The following HPS4 variants were observed in gnomAD, a reference collection of about 807,000 sequenced individuals.
HPS4 encodes HPS4 biogenesis of lysosomal organelles complex 3 subunit 2, also known as BLOC-3 complex member HPS4.
Under a neutral mutation model 70.3 loss-of-function variants are expected in HPS4, and 44 were observed. The observed-to-expected ratio is 0.63, with a 90% CI of 0.49 to 0.80. The LOEUF is 0.80. HPS4 is among the 30% of genes least tolerant of loss of function. HPS4 has a pLI of 0.00. For synonymous variants in HPS4, 377 were observed against 355.9 expected (o/e 1.06, Z -0.67); for missense variants, 873 against 884.4 (o/e 0.99, Z 0.16).
At chr22:26,479,945 CCT>C (rs1368423860) in intron 2 of HPS4, among the ~76,000 whole-genome samples, 1 of 152,166 alleles carries the variant, frequency 6.6e-6, no homozygotes, top group East Asian at 1.9e-4. Flanking sequence ...ACTCTGAACT[CCT>C]CTCTACCATG....
downstream of HPS4, among the ~76,000 whole-genome samples, chr22:26,449,323 A>ATT (rs35895945): frequency 0.012 from 1,026 of 83,292 alleles, 13 homozygotes; most frequent in African/African-American, 0.017. Flanking sequence ...ACTCCCCTGC[A>ATT]TTTTTTTTTT....
In HPS4 at chr22:26,451,326, G is replaced by C. The variant is rs558267465; in HGVS notation, c.*1907C>G. 6.6e-6 allele frequency among the ~76,000 whole-genome samples: 1 copy of C among 152,274 alleles called. No homozygotes were observed. The highest frequency in any genetic ancestry group is 2.1e-4 in the South Asian group (1 of 4,828). On this transcript the variant is annotated 3_prime_UTR_variant, in exon 14 of 14. Transcript: ENST00000398145. ...AATATTAAAAAACGGGAAAACAGCG[G>C]GTTAAGTGTTTCTTCTCTGCAGCCT...
At chr22:26,464,869 C>A in intron 10 of HPS4, 43 bp from the exon 11 acceptor site, 1 of 1,536,632 alleles carries the variant, frequency 6.5e-7, no homozygotes, top group Non-Finnish European at 8.7e-7. Context: ...CGTTGACAGA[C>A]TGCAGGGCAA....
At chr22:26,473,505 T>TG (rs1262110991) in intron 4 of HPS4, among the ~76,000 whole-genome samples, 1 of 152,162 alleles carries the variant, frequency 6.6e-6, no homozygotes, top group Non-Finnish European at 1.5e-5. Flanking sequence ...CGGTGGCTCA[T>TG]GCCTGTAATC....
Position 26,464,654 on chromosome 22 carries a change from C to G in HPS4, c.976G>C (p.Gly326Arg). The G allele has an allele frequency of 6.2e-7, 1 of 1,612,582 alleles. No individual in the cohort carries two copies. Among genetic ancestry groups the G allele is most frequent in the African/African-American group, 1.3e-5 (1 of 75,030 alleles). Reference sequence around the variant, plus strand: ...TCCAGATCATGGCCAGACAAGCATCCGTTCTCCTTCCTGCCATCTGGACAA... The same window carrying G: ...TCCAGATCATGGCCAGACAAGCATCGGTTCTCCTTCCTGCCATCTGGACAA... ...EACPDGRKENGCLSGHDLESI... is the reference protein window; with the variant it reads ...EACPDGRKENRCLSGHDLESI... Residue 326 changes from glycine to arginine, a missense_variant, in exon 11 of 14, where the codon GGA (glycine) becomes CGA (arginine). Transcript: ENST00000398145.
At chr22:26,446,795 C>T (rs1483280398), downstream of HPS4, among the ~76,000 whole-genome samples, 2 of 152,268 alleles carry the variant, frequency 1.3e-5, no homozygotes, top group East Asian at 1.9e-4. Flanking sequence ...AGTGCAGTGG[C>T]GCAATCTCGG....
At chr22:26,481,644 C>G in intron 2 of HPS4, 78 bp downstream of exon 2, 1 of 1,310,304 alleles carries the variant, frequency 7.6e-7, no homozygotes, top group Non-Finnish European at 1.1e-6. Flanking sequence ...CACAATCTGG[C>G]TGGGGATTTT....
At chr22:26,474,924 A>C (rs1602054387) in intron 4 of HPS4, among the ~76,000 whole-genome samples, 5 of 152,234 alleles carry the variant, frequency 3.3e-5, no homozygotes, top group Admixed American at 3.3e-4. Context: ...CAGACTGTCA[A>C]TCTCAATGCT....
Position 26,483,710 on chromosome 22 carries a change from A to C in HPS4, c.-515T>G. On this transcript the variant is annotated 5_prime_UTR_variant, in exon 1 of 14. Coordinates refer to ENST00000398145, the MANE Select transcript of HPS4 (RefSeq NM_022081.6). ...GGCATCCCAGTGCTCGGGGTTCGGG[A>C]CTCTGGACCAGAAATGTGGGCAGCA... 4.8e-6 allele frequency: 2 copies of C among 414,618 alleles called. No homozygotes were observed. Among genetic ancestry groups the C allele is most frequent in the Non-Finnish European group, 4.1e-6 (1 of 242,482 alleles). The allele number at this position is 414,618 out of a possible 1,614,324, so 25.7% of individuals were successfully genotyped here.
chr22:26,468,416 G>T, intron 8 of HPS4, 135 bp downstream of exon 8: 2 of 756,214 alleles, frequency 2.6e-6, no homozygotes, highest in Non-Finnish European at 4.7e-6. Context: ...GAATGACATT[G>T]GAGGACTTGG....
Position 26,453,336 on chromosome 22 carries a change from G to A in HPS4, c.2024C>T (p.Pro675Leu), listed in dbSNP as rs749689033. The stretch of plus-strand genomic sequence containing the variant: ...TGGGAAGCCGGAGCTCCGTGCTGCA[G>A]GTGCCAGCTGCTGGAAATATGTCTC... ...IQETYFQQLA[P>L]AARSSGFPNP... Residue 675 changes from proline to leucine, a missense_variant, in exon 14 of 14, where the codon CCT becomes CTT. Pro to Leu is a moderately conservative substitution (Grantham distance 98, BLOSUM62 -3). Coordinates refer to ENST00000398145, the MANE Select transcript of HPS4 (RefSeq NM_022081.6). The A allele has an allele frequency of 6.2e-7, 1 of 1,614,204 alleles. No individual in the cohort carries two copies. The highest frequency in any genetic ancestry group is 8.5e-7 in the Non-Finnish European group (1 of 1,180,042).
downstream of HPS4, among the ~76,000 whole-genome samples, chr22:26,449,026 G>A (rs118091766): frequency 8.5e-5 from 13 of 152,188 alleles, no homozygotes; most frequent in African/African-American, 2.2e-4. Context: ...TGTGTGTGTC[G>A]GGAGCACAGG....
At chr22:26,447,947 C>G (rs997064469), downstream of HPS4, among the ~76,000 whole-genome samples, 3 of 152,198 alleles carry the variant, frequency 2.0e-5, no homozygotes, top group Non-Finnish European at 4.4e-5. Flanking sequence ...ACTGTGCACC[C>G]TACGAGGTTC....
At chr22:26,460,816 G>A (rs991422188) in intron 11 of HPS4, among the ~76,000 whole-genome samples, 17 of 152,110 alleles carry the variant, frequency 1.1e-4, no homozygotes, top group Middle Eastern at 3.2e-3. Context: ...TTACTTGGTT[G>A]GGGAAAAAAG....
chr22:26,443,148 C>T, downstream of HPS4: 1 of 1,614,146 alleles, frequency 6.2e-7, no homozygotes, highest in Non-Finnish European at 8.5e-7. Context: ...TTGTGGCATC[C>T]AAACGTCGCA....
At position 26,472,471 on chromosome 22, in the gene HPS4, T is replaced by C. The variant is rs879556631; in HGVS notation, c.385-53A>G. On this transcript the variant is annotated intron_variant, in intron 5 of 13. Transcript: ENST00000398145. ...ATCTGAGATTTTGAGGGACAGATTC[T>C]TTGGCCAGAGTCCCAACTACCTCAA... The C allele has an allele frequency of 7.8e-5, 93 of 1,185,494 alleles. No homozygotes were observed. In the East Asian group the frequency reaches 1.9e-3, roughly 24 times the overall value. The allele number at this position is 1,185,494 out of a possible 1,614,324, so 73.4% of individuals were successfully genotyped here. A position where few individuals can be genotyped will look rare whatever the true frequency, so the allele number is the denominator to read the frequency against.
At chr22:26,471,776 G>C (rs141286986) in intron 6 of HPS4, among the ~76,000 whole-genome samples, 37 of 152,280 alleles carry the variant, frequency 2.4e-4, no homozygotes, top group African/African-American at 8.7e-4. Context: ...TCAGGTAGCT[G>C]GCTCTTAATG....
At chr22:26,469,802 C>A (rs1261892359) in intron 7 of HPS4, among the ~76,000 whole-genome samples, 2 of 152,036 alleles carry the variant, frequency 1.3e-5, no homozygotes, top group East Asian at 1.9e-4. Context: ...ACTTGGAAAT[C>A]CCACAGCTGA....
At chr22:26,483,019 ATC>A (rs1202405301) in intron 1 of HPS4, 1 of 152,262 alleles carries the variant, frequency 6.6e-6, no homozygotes, top group African/African-American at 2.4e-5. Flanking sequence ...CCATTCTGCA[ATC>A]TGTGGGTACA....
Sources: gnomAD v4.1 joint callset for allele counts (sites outside exome capture counted in the v4.1 genomes callset) on GRCh38, gnomAD v4.1.1 for gene constraint, MANE v1.5 for transcripts, NCBI Gene and HGNC (gene_info 2026-07-23, HGNC 2026-07-21) for gene names.